SHE: variants seen among roughly 807,000 people sequenced by gnomAD.
SHE encodes Src homology 2 domain containing E.
SHE carries 11 observed loss-of-function variants against 49.8 expected under a neutral mutation model. That is an observed-to-expected ratio of 0.22 (90% CI 0.14 to 0.37). SHE has a LOEUF of 0.37. SHE is among the 10% of genes least tolerant of loss of function. The pLI is 1.00. For synonymous variants in SHE, 310 were observed against 278.1 expected (o/e 1.11, Z -1.14); for missense variants, 624 against 655.5 (o/e 0.95, Z 0.52).
chr1:154,478,443 A>C (rs7555748), downstream of SHE, among the ~76,000 whole-genome samples: 4,836 of 151,788 alleles, frequency 0.032, 109 homozygotes, highest in Non-Finnish European at 0.047. Context: ...AAAAAAAAAA[A>C]AAAAACACTC....
In SHE at chr1:154,489,335, T is replaced by C. The variant is rs1473105487; in HGVS notation, c.740A>G (p.Lys247Arg). 6.2e-7 allele frequency: 1 copy of C among 1,613,412 alleles called. No homozygotes were observed. The highest frequency in any genetic ancestry group is 8.5e-7 in the Non-Finnish European group (1 of 1,179,658). Residue 247 changes from lysine to arginine, a missense_variant, in exon 3 of 6, where the codon AAA (lysine) becomes AGA (arginine). By Grantham distance (26) the Lys-to-Arg change is conservative. Transcript: ENST00000304760. ...MITEIRRRGSKDPLVKALQLL... is the reference protein window; with the variant it reads ...MITEIRRRGSRDPLVKALQLL... ...CTGGAGAGCCTTCACCAGGGGATCTTTGGAACCCCGTCGTCTAATTTCTGA... is the reference window on the plus strand; with the variant it reads ...CTGGAGAGCCTTCACCAGGGGATCTCTGGAACCCCGTCGTCTAATTTCTGA...
At position 154,501,461 on chromosome 1, in the gene SHE, C is replaced by T; in HGVS notation, c.566G>A (p.Gly189Asp). The T allele has an allele frequency of 6.2e-7, 1 of 1,614,146 alleles. No homozygotes were observed. Among genetic ancestry groups the T allele is most frequent in the East Asian group, 2.2e-5 (1 of 44,880 alleles). ...CGTCTCTTGCTGCTTAATAATCTTGCCCTTGTCCAGCTCGGGCCCCAGGGA... is the reference window on the plus strand; with the variant it reads ...CGTCTCTTGCTGCTTAATAATCTTGTCCTTGTCCAGCTCGGGCCCCAGGGA... ...PSSLGPELDK[G>D]KIIKQQETVI... The change falls in exon 1 of 6, where the codon GGC (glycine) becomes GAC (aspartate). Residue 189 changes from glycine to aspartate, a missense_variant. Coordinates refer to ENST00000304760, the MANE Select transcript of SHE (RefSeq NM_001010846.3).
Position 154,501,646 on chromosome 1 carries a change from C to T in SHE, c.381G>A (p.Glu127=), listed in dbSNP as rs757723534. 6.2e-7 allele frequency: 1 copy of T among 1,614,140 alleles called. No individual in the cohort carries two copies. Among genetic ancestry groups the T allele is most frequent in the South Asian group, 1.1e-5 (1 of 91,070 alleles). Residue 127 remains glutamate, a synonymous_variant, in exon 1 of 6, where the codon GAG becomes GAA. Coordinates refer to ENST00000304760, the MANE Select transcript of SHE (RefSeq NM_001010846.3). ...TGGTTGCACCCCGGTGGGGCTCCTC[C>T]TCCGTGGCCCGGGAGTTTTTGCGGC... ...GKGRKNSRAT[E]EEPHRGATKS...
At position 154,502,257 on chromosome 1, in the gene SHE, T is replaced by A; in HGVS notation, c.-231A>T. The A allele has an allele frequency of 4.2e-6, 1 of 236,820 alleles. No homozygotes were observed. The highest frequency in any genetic ancestry group is 7.9e-6 in the Non-Finnish European group (1 of 126,780). The allele number at this position is 236,820 out of a possible 1,614,324, so 14.7% of individuals were successfully genotyped here. ...GCCCGGCCCGAGGACACCGTGGCTC[T>A]CGGAGGCGGCGGGCGCCGGGGGCTT... On this transcript the variant is annotated 5_prime_UTR_variant, in exon 1 of 6. Coordinates refer to ENST00000304760, the MANE Select transcript of SHE (RefSeq NM_001010846.3).
At chr1:154,479,450 G>C (rs1691962637), downstream of SHE, 1 of 958,982 alleles carries the variant, frequency 1.0e-6, no homozygotes, top group Non-Finnish European at 1.2e-6. Flanking sequence ...ATGATTCTCA[G>C]AGCTAACTGA....
chr1:154,490,930 A>G (rs1350652643), intron 2 of SHE, among the ~76,000 whole-genome samples: 1 of 152,140 alleles, frequency 6.6e-6, no homozygotes. Flanking sequence ...GGAAAAAACC[A>G]TATGCAAACC....
chr1:154,475,446 C>G (rs570231587), downstream of SHE, among the ~76,000 whole-genome samples: 1 of 152,216 alleles, frequency 6.6e-6, no homozygotes, highest in Admixed American at 6.5e-5. Context: ...CTCGGCCTCC[C>G]GAAGTGCTGG....
chr1:154,478,401 T>C (rs1557793563), downstream of SHE, among the ~76,000 whole-genome samples: 1 of 148,552 alleles, frequency 6.7e-6, no homozygotes. Flanking sequence ...GTCTATGTTT[T>C]GTTTTTAAAT....
intron 1 of SHE, among the ~76,000 whole-genome samples, chr1:154,472,450 G>C (rs1363731288): frequency 6.6e-6 from 1 of 152,208 alleles, no homozygotes; most frequent in Non-Finnish European, 1.5e-5. Flanking sequence ...AGCTATATAA[G>C]CTGCCCAGAT....
rs1692188788 is a variant in SHE, at chr1:154,486,599, A to T, written c.1109T>A (p.Ile370Asn). 2 of 1,613,954 alleles carry T rather than the reference A, an allele frequency of 1.2e-6. No individual in the cohort carries two copies. The highest frequency in any genetic ancestry group is 2.7e-5 in the African/African-American group (2 of 74,884). Residue 370 changes from isoleucine (I) to asparagine (N), a missense_variant, in exon 4 of 6, where the codon ATC becomes AAC. Physicochemically the swap from Ile to Asn is moderately radical, Grantham distance 149 (BLOSUM62 -3). Transcript: ENST00000304760. ...HHRQKSWTQK[I>N]LKPALSDHSE... ...GTGGTCCGAGAGGGCTGGCTTCAGG[A>T]TCTTCTGGGTCCAGCTCTTCTGCCG...
chr1:154,501,460 G>C lies in SHE; in HGVS notation c.567C>G (p.Gly189=). The C allele has an allele frequency of 6.2e-6, 10 of 1,614,150 alleles. No homozygotes were observed. The highest frequency in any genetic ancestry group is 8.5e-6 in the Non-Finnish European group (10 of 1,180,022). The change falls in exon 1 of 6, where the codon GGC becomes GGG. Residue 189 remains glycine, a synonymous_variant. Coordinates refer to ENST00000304760, the MANE Select transcript of SHE (RefSeq NM_001010846.3). ...CCGTCTCTTGCTGCTTAATAATCTTGCCCTTGTCCAGCTCGGGCCCCAGGG... is the reference window on the plus strand; with the variant it reads ...CCGTCTCTTGCTGCTTAATAATCTTCCCCTTGTCCAGCTCGGGCCCCAGGG... ...PSSLGPELDK[G]KIIKQQETVI...
At chr1:154,476,348 A>C (rs1258970899), downstream of SHE, among the ~76,000 whole-genome samples, 2 of 152,122 alleles carry the variant, frequency 1.3e-5, no homozygotes, top group African/African-American at 4.8e-5. Context: ...CTGTCTCAAA[A>C]ATAAAGTAAA....
At position 154,483,043 on chromosome 1, in the gene SHE, TGGA is replaced by T. The variant is rs1333235575; in HGVS notation, c.*1103_*1105del. The T allele has an allele frequency of 1.0e-6, 1 of 984,822 alleles. No individual in the cohort carries two copies. Among genetic ancestry groups the T allele is most frequent in the Non-Finnish European group, 1.2e-6 (1 of 829,486 alleles). 61.0% of individuals were successfully genotyped at this position (984,822 alleles called of 1,614,324 possible). On this transcript the variant is annotated 3_prime_UTR_variant, in exon 6 of 6. Transcript: ENST00000304760. ...AATTAATTCAGTAAAAAAACAGTTG[TGGA>T]GCTTTGCAAATTTCCAGAATTTTAA... is the stretch of plus-strand genomic sequence containing the variant.
Position 154,480,705 on chromosome 1 carries a change from G to C in SHE, c.*3444C>G, listed in dbSNP as rs992806326. 3.0e-6 allele frequency: 3 copies of C among 985,260 alleles called. No homozygotes were observed. Among genetic ancestry groups the C allele is most frequent in the Non-Finnish European group, 3.6e-6 (3 of 829,924 alleles). 61.0% of individuals were successfully genotyped at this position (985,260 alleles called of 1,614,324 possible). On this transcript the variant is annotated 3_prime_UTR_variant, in exon 6 of 6. Coordinates refer to ENST00000304760, the MANE Select transcript of SHE (RefSeq NM_001010846.3). ...AAATGACACTTCTGCCCCCAACAGA[G>C]AGTAGATATATCAATATTTACCTTT...
At chr1:154,488,377 G>C (rs1300441915) in intron 3 of SHE, among the ~76,000 whole-genome samples, 5 of 151,526 alleles carry the variant, frequency 3.3e-5, no homozygotes, top group Admixed American at 2.0e-4. Flanking sequence ...TTCTGCCTCA[G>C]CCTCTTGAGT....
chr1:154,480,968 T>C lies in SHE; in HGVS notation c.*3181A>G. 1.0e-6 allele frequency: 1 copy of C among 985,434 alleles called. No individual in the cohort carries two copies. The highest frequency in any genetic ancestry group is 4.7e-5 in the South Asian group (1 of 21,288). 61.0% of individuals were successfully genotyped at this position (985,434 alleles called of 1,614,324 possible). A position where few individuals can be genotyped will look rare whatever the true frequency, so the allele number is the denominator to read the frequency against. ...AACACTGACACAGCTCTATGGATGC[T>C]AAATTCAAGGCAAATTCACTGAAAG... On this transcript the variant is annotated 3_prime_UTR_variant, in exon 6 of 6. Transcript: ENST00000304760.
At chr1:154,476,804 T>G (rs78165769), downstream of SHE, among the ~76,000 whole-genome samples, 727 of 152,252 alleles carry the variant, frequency 4.8e-3, 1 homozygote, top group Non-Finnish European at 7.4e-3. Flanking sequence ...TATGTGCTCA[T>G]CAAGTAATAA....
chr1:154,489,200 G>T lies in SHE; in HGVS notation c.875C>A (p.Thr292Asn). Residue 292 changes from threonine to asparagine, a missense_variant, in exon 3 of 6, where the codon ACT (threonine) becomes AAT (asparagine). By Grantham distance (65) the Thr-to-Asn change is moderately conservative (BLOSUM62 0). Transcript: ENST00000304760. ...LLGKPPQLYD[T>N]PYEPAEGGPR... Reference sequence around the variant, plus strand: ...CCCCCCTTCTGCAGGCTCGTAGGGAGTGTCGTATAGCTGTGGCGGCTTCCC... The same window carrying T: ...CCCCCCTTCTGCAGGCTCGTAGGGATTGTCGTATAGCTGTGGCGGCTTCCC... The T allele has an allele frequency of 1.2e-6, 2 of 1,614,210 alleles. No homozygotes were observed. The highest frequency in any genetic ancestry group is 1.7e-6 in the Non-Finnish European group (2 of 1,180,040).
intron 2 of SHE, among the ~76,000 whole-genome samples, chr1:154,497,489 T>C (rs1470225320): frequency 6.6e-6 from 1 of 152,220 alleles, no homozygotes; most frequent in Non-Finnish European, 1.5e-5. Flanking sequence ...ATCTATATTA[T>C]TTTTATTTAA....
Sources: allele counts gnomAD v4.1 joint callset (sites outside exome capture counted in the v4.1 genomes callset), GRCh38; gene constraint gnomAD v4.1.1; transcripts MANE v1.5; gene names NCBI Gene and HGNC (gene_info 2026-07-23, HGNC 2026-07-21).